PCDH11X: variants seen among roughly 807,000 people sequenced by gnomAD.
PCDH11X encodes protocadherin-11 X-linked.
Under a neutral mutation model 53.3 loss-of-function variants are expected in PCDH11X, and 18 were observed. The observed-to-expected ratio is 0.34, with a 90% CI of 0.23 to 0.50. PCDH11X has a LOEUF of 0.50. PCDH11X is among the 20% of genes least tolerant of loss of function. The probability of loss-of-function intolerance (pLI) is 0.98; values close to 1 mark genes in which losing one functional copy is unlikely to be tolerated. For missense variants in PCDH11X, 570 were observed against 1,032.4 expected, an observed-to-expected ratio of 0.55 and a Z score of 6.14; for synonymous variants, 279 against 393.3, an observed-to-expected ratio of 0.71 and a Z score of 3.44.
At chrX:91,898,804 C>A (rs2525180) in intron 6 of PCDH11X, among the ~76,000 whole-genome samples, 2 of 110,104 alleles carry the variant, frequency 1.8e-5, no homozygotes, top group African/African-American at 6.6e-5. Context: ...TGAAGCTAAC[C>A]AAAATAATAC....
intron 8 of PCDH11X, among the ~76,000 whole-genome samples, chrX:92,330,756 C>T (rs1228460691): frequency 9.1e-6 from 1 of 109,944 alleles, no homozygotes. Flanking sequence ...TTGATACAGG[C>T]AGCAACATGG....
At chrX:92,312,133 C>A (rs1253770857) in intron 8 of PCDH11X, among the ~76,000 whole-genome samples, 4 of 111,028 alleles carry the variant, frequency 3.6e-5, no homozygotes, top group African/African-American at 9.8e-5. Context: ...CCTGGCCAGA[C>A]GTGTCTATGC....
intron 1 of PCDH11X, among the ~76,000 whole-genome samples, chrX:91,786,325 GA>G (rs1935333306): frequency 9.1e-6 from 1 of 109,557 alleles, no homozygotes; most frequent in Admixed American, 9.8e-5. Context: ...AAAGATAAAT[GA>G]AAGGAGAGAA....
chrX:92,221,826 C>T (rs1479812378), intron 7 of PCDH11X, among the ~76,000 whole-genome samples: 1 of 103,171 alleles, frequency 9.7e-6, no homozygotes, highest in African/African-American at 3.4e-5. Context: ...CAGAGCAAAC[C>T]ATTTTCTTAA....
At chrX:92,088,332 A>G (rs1209376133) in intron 6 of PCDH11X, among the ~76,000 whole-genome samples, 1 of 111,124 alleles carries the variant, frequency 9.0e-6, no homozygotes, top group Non-Finnish European at 1.9e-5. Context: ...CATAACAACA[A>G]TTATGTCACT....
intron 7 of PCDH11X, among the ~76,000 whole-genome samples, chrX:92,220,642 G>C (rs181406790): frequency 2.7e-5 from 3 of 110,638 alleles, no homozygotes; most frequent in South Asian, 3.9e-4. Context: ...TCAGTGTGGC[G>C]ATTCCTCAGG....
intron 6 of PCDH11X, among the ~76,000 whole-genome samples, chrX:92,102,115 G>A (rs761111206): frequency 9.0e-5 from 10 of 111,257 alleles, no homozygotes; most frequent in Non-Finnish European, 1.7e-4. Flanking sequence ...CAGGAATAAT[G>A]TGGGAGGCCA....
chrX:92,561,271 C>G (rs2075126986), intron 10 of PCDH11X, among the ~76,000 whole-genome samples: 1 of 108,016 alleles, frequency 9.3e-6, no homozygotes, highest in African/African-American at 3.4e-5. Context: ...ATCAACACCA[C>G]CCAAGAAAGT....
At chrX:92,355,428 A>AAG (rs1355413515) in intron 8 of PCDH11X, among the ~76,000 whole-genome samples, 3 of 95,805 alleles carry the variant, frequency 3.1e-5, no homozygotes, top group African/African-American at 1.2e-4. Context: ...AAAAAAAAAA[A>AAG]AAAAAAAAAA....
intron 6 of PCDH11X, among the ~76,000 whole-genome samples, chrX:91,887,517 G>GC (rs776668641): frequency 1.8e-5 from 2 of 111,817 alleles, no homozygotes; most frequent in African/African-American, 6.5e-5. Flanking sequence ...TTCTAGAGTA[G>GC]CCATAGGTTT....
intron 6 of PCDH11X, among the ~76,000 whole-genome samples, chrX:92,152,709 T>C (rs2065455820): frequency 8.9e-6 from 1 of 111,983 alleles, no homozygotes; most frequent in Non-Finnish European, 1.9e-5. Flanking sequence ...ACATTTAAAA[T>C]TGTAATTTAA....
intron 8 of PCDH11X, among the ~76,000 whole-genome samples, chrX:92,271,485 C>T (rs1403714325): frequency 2.7e-5 from 3 of 111,787 alleles, no homozygotes; most frequent in African/African-American, 9.8e-5. Flanking sequence ...GCTCAAAGGT[C>T]CCGTTACAGA....
intron 5 of PCDH11X, among the ~76,000 whole-genome samples, chrX:91,840,204 GTTATTT>G (rs1210273838): frequency 2.7e-5 from 3 of 111,535 alleles, no homozygotes; most frequent in Admixed American, 1.9e-4. Flanking sequence ...TGATGTTACA[GTTATTT>G]TTATTTTCTG....
At chrX:92,395,318 A>T (rs1159572472) in intron 9 of PCDH11X, among the ~76,000 whole-genome samples, 2 of 111,769 alleles carry the variant, frequency 1.8e-5, no homozygotes, top group African/African-American at 3.2e-5. Context: ...GTATCTAATT[A>T]TATGATAAAA....
chrX:92,215,244 C>T (rs900699598), intron 7 of PCDH11X, among the ~76,000 whole-genome samples: 1 of 109,981 alleles, frequency 9.1e-6, no homozygotes, highest in African/African-American at 3.3e-5. Context: ...TGAAGCAGGG[C>T]AAGGCATTGC....
chrX:92,394,981 AT>A (rs1285946171), intron 9 of PCDH11X, among the ~76,000 whole-genome samples: 3 of 111,470 alleles, frequency 2.7e-5, no homozygotes, highest in Non-Finnish European at 5.7e-5. Flanking sequence ...GATTTCTGTG[AT>A]TTTTTAGTTT....
At chrX:92,086,278 T>TA (rs971514325) in intron 6 of PCDH11X, among the ~76,000 whole-genome samples, 1 of 111,182 alleles carries the variant, frequency 9.0e-6, no homozygotes, top group African/African-American at 3.3e-5. Flanking sequence ...AAAAATAAAA[T>TA]AAAAATATAA....
chrX:92,400,837 AG>A (rs2071372085), intron 9 of PCDH11X, among the ~76,000 whole-genome samples: 1 of 108,986 alleles, frequency 9.2e-6, no homozygotes, highest in Non-Finnish European at 1.9e-5. Flanking sequence ...CATAAAATGA[AG>A]GGAAGTCTAT....
intron 10 of PCDH11X, among the ~76,000 whole-genome samples, chrX:92,483,582 A>T (rs1477543902): frequency 1.0e-4 from 8 of 80,205 alleles, no homozygotes; most frequent in Non-Finnish European, 1.2e-4. Flanking sequence ...GGAAGATAAG[A>T]TTACATAAAA....
Sources: gnomAD v4.1 joint callset for allele counts (sites outside exome capture counted in the v4.1 genomes callset) on GRCh38, gnomAD v4.1.1 for gene constraint, MANE v1.5 for transcripts, NCBI Gene and HGNC (gene_info 2026-07-23, HGNC 2026-07-21) for gene names.